TNK2: variants seen among roughly 807,000 people sequenced by gnomAD.
TNK2 encodes activated CDC42 kinase 1.
A neutral mutation model predicts 101.8 loss-of-function variants in TNK2; 83 were observed. The observed-to-expected ratio is 0.82, with a 90% confidence interval of 0.68 to 0.98. TNK2 has a LOEUF of 0.98. Ranked by LOEUF, TNK2 falls within the 50% of genes least tolerant of loss-of-function variation. TNK2 has a pLI of 0.00. For synonymous variants in TNK2, 804 were observed against 633.0 expected (o/e 1.27, Z -4.06); for missense variants, 1,665 against 1,483.2 (o/e 1.12, Z -2.01).
At chr3:195,907,035 G>A (rs1339953972) in intron 1 of TNK2, among the ~76,000 whole-genome samples, 1 of 152,158 alleles carries the variant, frequency 6.6e-6, no homozygotes, top group Non-Finnish European at 1.5e-5. Context: ...CAGCTTGTAA[G>A]CGATATAACC....
At chr3:195,876,353 G>T (rs752819351) in intron 9 of TNK2, 8 of 453,320 alleles carry the variant, frequency 1.8e-5, no homozygotes, top group East Asian at 1.4e-4. Flanking sequence ...ACACAGCTTC[G>T]CAAGTGGGAA....
intron 9 of TNK2, among the ~76,000 whole-genome samples, chr3:195,873,105 C>T (rs901046913): frequency 6.6e-6 from 1 of 152,212 alleles, no homozygotes; most frequent in South Asian, 2.1e-4. Context: ...TTTCCACCAC[C>T]TCCCGGAAGG....
chr3:195,881,822 C>T (rs1413275529), intron 6 of TNK2, among the ~76,000 whole-genome samples: 1 of 151,974 alleles, frequency 6.6e-6, no homozygotes, highest in Non-Finnish European at 1.5e-5. Context: ...TTGGAGAGTC[C>T]CACAGCATGT....
At chr3:195,872,217 T>TGAGGGCCCTGGAGTCCCGAGCG (rs1267152302) in intron 10 of TNK2, 59 bp downstream of exon 10, 16 of 1,593,196 alleles carry the variant, frequency 1.0e-5, no homozygotes, top group Non-Finnish European at 1.1e-5. Context: ...CGTGCCGTGC[T>TGAGGGCCCTGGAGTCCCGAGCG]GAGGGCCCTG....
chr3:195,869,032 C>T (rs964161714), intron 12 of TNK2: 18 of 466,106 alleles, frequency 3.9e-5, no homozygotes, highest in African/African-American at 8.0e-5. Context: ...CCTGCTCCTG[C>T]GCCCTGGCGA....
chr3:195,870,141 G>T lies in TNK2; in HGVS notation c.1516C>A (p.Pro506Thr), dbSNP rs556151043. The T allele has an allele frequency of 4.7e-6, 7 of 1,474,948 alleles. No homozygotes were observed. Among genetic ancestry groups the T allele is most frequent in the Non-Finnish European group, 1.8e-6 (2 of 1,105,892 alleles). 91.4% of individuals were successfully genotyped at this position (1,474,948 alleles called of 1,614,324 possible). The change falls in exon 11 of 16, where the codon CCC (proline) becomes ACC (threonine). Residue 506 changes from proline (P) to threonine (T), a missense_variant. Coordinates refer to ENST00000672887, the MANE Select transcript of TNK2 (RefSeq NM_001382273.1). ...LLSVELSTSR[P>T]PQHLGGVKRE... ...TTCACCCCTCCTAGATGCTGGGGGG[G>T]CCGGGAGGTGCTCAGTTCCACGCTC...
In TNK2 at chr3:195,865,968, G is replaced by C. The variant is rs1471095848; in HGVS notation, c.3161+921C>G. On this transcript the variant is annotated intron_variant, in intron 15 of 15. Transcript: ENST00000672887. ...CACGCTGCTGGGACAAGGGCAGCAG[G>C]TATCTCCAGGGCCTGGCCCGTGTCA... Among the ~76,000 whole-genome samples the C allele has an allele frequency of 2.0e-5, 3 of 152,180 alleles. No homozygotes were observed. In the East Asian group the frequency reaches 5.8e-4, roughly 29 times the overall value.
chr3:195,895,173 C>A (rs551615472), intron 1 of TNK2: 2 of 1,395,226 alleles, frequency 1.4e-6, no homozygotes, highest in African/African-American at 1.5e-5. Flanking sequence ...GGGGGCAGGG[C>A]TGAGCCCGGC....
intron 11 of TNK2, 135 bp downstream of exon 11, chr3:195,869,979 A>G (rs890450423): frequency 1.5e-6 from 1 of 679,792 alleles, no homozygotes; most frequent in Non-Finnish European, 2.4e-6. Context: ...AGCCAGGGAC[A>G]CAGCTGTCCC....
intron 1 of TNK2, among the ~76,000 whole-genome samples, chr3:195,907,016 G>A (rs1296870123): frequency 6.6e-6 from 1 of 152,092 alleles, no homozygotes; most frequent in Admixed American, 6.5e-5. Context: ...GTTGCCCAAG[G>A]AAGTTACACA....
chr3:195,866,530 A>C (rs1740956048), intron 15 of TNK2, among the ~76,000 whole-genome samples: 1 of 152,158 alleles, frequency 6.6e-6, no homozygotes, highest in Non-Finnish European at 1.5e-5. Flanking sequence ...GTTACTTTAA[A>C]CAGAAATATG....
rs1398010230 is a variant in TNK2 at position 195,878,091 on chromosome 3, G to A, written c.1256+162C>T. 2.0e-5 allele frequency among the ~76,000 whole-genome samples: 3 copies of A among 152,276 alleles called. No individual in the cohort carries two copies. Among genetic ancestry groups the A allele is most frequent in the African/African-American group, 7.2e-5 (3 of 41,554 alleles). ...GGGCAGGGAAAGGCACTAGGAAGAC[G>A]GAGGCAGGCCTGTCCTCCCCTCACA... On this transcript the variant is annotated intron_variant, in intron 9 of 15. Transcript: ENST00000672887. This position sits in a 1 kb window ranked among gnomAD's most constrained non-coding sequence, Gnocchi z 4.7.
chr3:195,895,651 CGCGGAACCGG>C, intron 1 of TNK2: 1 of 1,257,342 alleles, frequency 8.0e-7, no homozygotes, highest in Non-Finnish European at 1.0e-6. Context: ...CTTCGCCGGC[CGCGGAACCGG>C]GCTCCACTCA....
chr3:195,895,349 A>T (rs771490675), intron 1 of TNK2: 4 of 1,563,280 alleles, frequency 2.6e-6, no homozygotes, highest in Non-Finnish European at 3.5e-6. Flanking sequence ...CAGCGCCCGC[A>T]GCCCCCGCCC....
chr3:195,878,204 T>C lies in TNK2; in HGVS notation c.1256+49A>G, dbSNP rs371067627. On this transcript the variant is annotated intron_variant, in intron 9 of 15. Transcript: ENST00000672887. The surrounding 1 kb of genome is among the most constrained non-coding windows in gnomAD (Gnocchi z 4.7). Reference sequence around the variant, plus strand: ...GATCTGTCCACAGGTCCCTCCGACCTGTGCCCTTCAAGCGATCCCAGGGCG... The same window carrying C: ...GATCTGTCCACAGGTCCCTCCGACCCGTGCCCTTCAAGCGATCCCAGGGCG... The C allele has an allele frequency of 2.1e-5, 34 of 1,589,212 alleles. No individual in the cohort carries two copies. The highest frequency in any genetic ancestry group is 2.8e-5 in the Non-Finnish European group (32 of 1,157,756).
At position 195,868,688 on chromosome 3, in the gene TNK2, C is replaced by A. The variant is rs143787673; in HGVS notation, c.1610G>T (p.Ser537Ile). The A allele has an allele frequency of 1.6e-3, 2,498 of 1,590,014 alleles. 5 individuals carry two copies. Among genetic ancestry groups the A allele is most frequent in the Non-Finnish European group, 1.9e-3 (2,274 of 1,176,416 alleles). Residue 537 changes from serine to isoleucine, a missense_variant, in exon 13 of 16, where the codon AGC (serine) becomes ATC (isoleucine). By Grantham distance (142) the Ser-to-Ile change is moderately radical (BLOSUM62 -2). Transcript: ENST00000672887. ...GCTGGACAAGGGGTCTTGGTCCTCG[C>A]TCACAGGGTCATAGGTTGGTTCTGT... is the stretch of plus-strand genomic sequence containing the variant. ...FTQKPTYDPV[S>I]EDQDPLSSDF...
intron 15 of TNK2, among the ~76,000 whole-genome samples, chr3:195,866,418 C>T (rs925379456): frequency 6.6e-6 from 1 of 152,184 alleles, no homozygotes; most frequent in African/African-American, 2.4e-5. Flanking sequence ...CCAGGCTGGT[C>T]TCGAACTCCT....
chr3:195,895,366 G>A (rs763442973), intron 1 of TNK2: 6 of 1,554,458 alleles, frequency 3.9e-6, no homozygotes, highest in Admixed American at 1.9e-5. Context: ...GCCCCGCAGC[G>A]GCACCGGCAG....
chr3:195,872,108 T>C (rs1398926728), intron 10 of TNK2, among the ~76,000 whole-genome samples, 168 bp downstream of exon 10: 1 of 152,138 alleles, frequency 6.6e-6, no homozygotes, highest in Non-Finnish European at 1.5e-5. Flanking sequence ...TTCCTAGGGT[T>C]CCACAGCTTC....
Sources: allele counts gnomAD v4.1 joint callset (sites outside exome capture counted in the v4.1 genomes callset), GRCh38; gene constraint gnomAD v4.1.1; non-coding constraint Gnocchi (gnomAD v3.1); transcripts MANE v1.5; gene names NCBI Gene and HGNC (gene_info 2026-07-23, HGNC 2026-07-21).